The following TSPAN15 variants were observed in gnomAD, a reference collection of about 807,000 sequenced individuals.
TSPAN15 encodes the protein tetraspanin-15.
Under a neutral mutation model 34.5 loss-of-function variants are expected in TSPAN15, and 20 were observed. The observed-to-expected ratio is 0.58, with a 90% CI of 0.41 to 0.84. The LOEUF (loss-of-function observed/expected upper bound fraction) is 0.84, where lower values mean the gene tolerates loss of function less well. TSPAN15 is among the 40% of genes least tolerant of loss of function. The pLI, the probability that TSPAN15 is intolerant of heterozygous loss-of-function variation, is 0.00. For synonymous variants in TSPAN15, 155 were observed against 153.9 expected, an observed-to-expected ratio of 1.01 and a Z score of -0.05; for missense variants, 313 against 386.1, an observed-to-expected ratio of 0.81 and a Z score of 1.59.
chr10:69,482,722 C>T (rs1312731215), intron 1 of TSPAN15, among the ~76,000 whole-genome samples: 6 of 126,844 alleles, frequency 4.7e-5, no homozygotes, highest in African/African-American at 1.6e-4. Flanking sequence ...AATGCCTGTC[C>T]AAGGCCCAGG....
rs887357199 is a variant in TSPAN15 at position 69,504,304 on chromosome 10, C to T, written c.571-134C>T. 30 of 700,026 alleles carry T rather than the reference C, an allele frequency of 4.3e-5. No individual in the cohort carries two copies. In the Middle Eastern group the frequency reaches 1.0e-3, roughly 24 times the overall value. 43.4% of individuals were successfully genotyped at this position (700,026 alleles called of 1,614,324 possible). On this transcript the variant is annotated intron_variant, in intron 5 of 7. Coordinates refer to ENST00000373290, the MANE Select transcript of TSPAN15 (RefSeq NM_012339.5). ...GAGACTCAAGCCAGACTGCCTGGGT[C>T]GGAATCTCAGCTCCATCCCTGCTGG... is the stretch of plus-strand genomic sequence containing the variant.
At chr10:69,463,270 T>G (rs1001454311) in intron 1 of TSPAN15, among the ~76,000 whole-genome samples, 8 of 152,202 alleles carry the variant, frequency 5.3e-5, no homozygotes, top group Non-Finnish European at 1.0e-4. Flanking sequence ...GATGCAGGAT[T>G]ATCATGTTGG....
intron 3 of TSPAN15, among the ~76,000 whole-genome samples, chr10:69,493,450 A>G (rs1039038894): frequency 1.3e-5 from 2 of 148,190 alleles, no homozygotes; most frequent in Non-Finnish European, 1.5e-5. Context: ...CACGAAGGCC[A>G]GTTTCTCCGA....
At chr10:69,513,678 A>G in the TSPAN15 span, among the ~76,000 whole-genome samples, 1 of 152,244 alleles carries the variant, frequency 6.6e-6, no homozygotes, top group Non-Finnish European at 1.5e-5. Context: ...ATTTTCTTTT[A>G]AAAGTTTTAT....
At chr10:69,468,495 C>T (rs779973198) in intron 1 of TSPAN15, among the ~76,000 whole-genome samples, 6 of 151,294 alleles carry the variant, frequency 4.0e-5, no homozygotes, top group Non-Finnish European at 8.8e-5. Context: ...CTTTCTGTAT[C>T]AAGCTGCGAT....
At chr10:69,528,887 C>T in the TSPAN15 span, among the ~76,000 whole-genome samples, 33 of 147,952 alleles carry the variant, frequency 2.2e-4, 4 homozygotes, top group Non-Finnish European at 3.1e-4. Flanking sequence ...ATATGCTGAT[C>T]GGTCCATGGG....
At chr10:69,490,014 C>T (rs1841935382) in intron 3 of TSPAN15, among the ~76,000 whole-genome samples, 1 of 152,198 alleles carries the variant, frequency 6.6e-6, no homozygotes. Context: ...AGCTTGGACA[C>T]CTGGAGGGTC....
the TSPAN15 span, among the ~76,000 whole-genome samples, chr10:69,544,497 C>T: frequency 1.5e-4 from 23 of 152,268 alleles, no homozygotes; most frequent in Non-Finnish European, 2.5e-4. Flanking sequence ...ACCTCCCTCC[C>T]GCAGCGGTTC....
At chr10:69,481,063 C>G in intron 1 of TSPAN15, among the ~76,000 whole-genome samples, 1 of 152,280 alleles carries the variant, frequency 6.6e-6, no homozygotes, top group Middle Eastern at 3.4e-3. Context: ...TAGGCTGCCC[C>G]CAAACAGTGA....
chr10:69,513,301 G>C, the TSPAN15 span, among the ~76,000 whole-genome samples: 4 of 152,166 alleles, frequency 2.6e-5, no homozygotes, highest in African/African-American at 9.7e-5. Flanking sequence ...ACAACTCTTT[G>C]TATATGCTGG....
chr10:69,480,094 C>G (rs1245900741), intron 1 of TSPAN15, among the ~76,000 whole-genome samples: 1 of 152,162 alleles, frequency 6.6e-6, no homozygotes, highest in Non-Finnish European at 1.5e-5. Flanking sequence ...GAGTGGGTCC[C>G]AGGGCTCTGG....
chr10:69,461,987 TA>T (rs1274385299), intron 1 of TSPAN15, among the ~76,000 whole-genome samples: 350 of 136,802 alleles, frequency 2.6e-3, no homozygotes, highest in African/African-American at 7.3e-3. Flanking sequence ...CACCCGTAAT[TA>T]AAAAAAAAAA....
At chr10:69,518,425 A>AT in the TSPAN15 span, among the ~76,000 whole-genome samples, 18,519 of 152,040 alleles carry the variant, frequency 0.12, 1,397 homozygotes, top group Non-Finnish European at 0.16. Flanking sequence ...TAAACTCTTG[A>AT]TTTTTTTTCT....
chr10:69,515,195 A>G, the TSPAN15 span, among the ~76,000 whole-genome samples: 8 of 152,212 alleles, frequency 5.3e-5, no homozygotes, highest in South Asian at 1.5e-3. Context: ...GCCCCCTCTT[A>G]TGAGTCTCAG....
In TSPAN15 at chr10:69,498,387, C is replaced by A. The variant is rs963008275; in HGVS notation, c.561C>A (p.Ile187=). ...GTGGGGTGCCCTACACCTGCTGCAT[C>A]AGGAACACGGTAGACACTGCTCCTG... is the stretch of plus-strand genomic sequence containing the variant. ...LACGVPYTCC[I]RNTTEVVNTM... Residue 187 remains isoleucine (I), a synonymous_variant, in exon 5 of 8, where the codon ATC becomes ATA. Transcript: ENST00000373290. 6.2e-7 allele frequency: 1 copy of A among 1,613,818 alleles called. No homozygotes were observed. The highest frequency in any genetic ancestry group is 1.3e-5 in the African/African-American group (1 of 75,034).
At chr10:69,472,559 G>A (rs1297783804) in intron 1 of TSPAN15, among the ~76,000 whole-genome samples, 1 of 152,118 alleles carries the variant, frequency 6.6e-6, no homozygotes, top group African/African-American at 2.4e-5. Context: ...TAGTGTATGT[G>A]GAATCAGTGA....
the TSPAN15 span, among the ~76,000 whole-genome samples, chr10:69,538,867 G>T: frequency 6.6e-6 from 1 of 152,226 alleles, no homozygotes; most frequent in African/African-American, 2.4e-5. Context: ...CTGCAGTAGT[G>T]TGCAGTATGA....
the TSPAN15 span, among the ~76,000 whole-genome samples, chr10:69,516,458 C>A: frequency 6.6e-6 from 1 of 152,180 alleles, no homozygotes; most frequent in Admixed American, 6.5e-5. Context: ...CAGAGGGAGG[C>A]CTCGGTCTTT....
chr10:69,507,651 G>GTTTTTTTTTTTTT (rs398014021), exon 8 of TSPAN15: 25 of 1,012,108 alleles, frequency 2.5e-5, no homozygotes, highest in East Asian at 4.1e-4. Flanking sequence ...ATAAAAACAT[G>GTTTTTTTTTTTTT]TTTTTTTTTT....
Sources: gnomAD v4.1 joint callset for allele counts (sites outside exome capture counted in the v4.1 genomes callset) on GRCh38, gnomAD v4.1.1 for gene constraint, MANE v1.5 for transcripts, NCBI Gene and HGNC (gene_info 2026-07-23, HGNC 2026-07-21) for gene names.